FAM107B: variants seen among roughly 807,000 people sequenced by gnomAD.
The protein encoded by FAM107B is protein FAM107B.
In FAM107B, 21 loss-of-function variants were observed where a neutral mutation model predicts 31.5. The ratio of observed to expected loss-of-function variants is 0.67; its 90% CI spans 0.47 to 0.96. FAM107B has a LOEUF of 0.96. Ranked by LOEUF, FAM107B falls within the 40% of genes least tolerant of loss-of-function variation. FAM107B has a pLI of 0.00. For missense variants in FAM107B, 452 were observed against 377.1 expected (o/e 1.20, Z -1.64); for synonymous variants, 157 against 141.5 (o/e 1.11, Z -0.78).
At chr10:14,718,574 C>A (rs1855836582) in intron 1 of FAM107B, among the ~76,000 whole-genome samples, 1 of 151,414 alleles carries the variant, frequency 6.6e-6, no homozygotes, top group Non-Finnish European at 1.5e-5. Flanking sequence ...GAATTTGAAT[C>A]TCTGACCTCA....
intron 3 of FAM107B, among the ~76,000 whole-genome samples, chr10:14,524,407 A>G (rs1234158080): frequency 3.3e-5 from 5 of 152,030 alleles, no homozygotes; most frequent in African/African-American, 1.2e-4. Flanking sequence ...CAATTTCCCA[A>G]TTTTCATTAG....
intron 2 of FAM107B, among the ~76,000 whole-genome samples, chr10:14,564,338 C>A (rs576895589): frequency 6.6e-6 from 1 of 151,828 alleles, no homozygotes; most frequent in Non-Finnish European, 1.5e-5. Flanking sequence ...CTTCCTCTTC[C>A]GGCCACATTT....
chr10:14,612,695 A>G (rs1852754447), intron 2 of FAM107B: 4 of 152,264 alleles, frequency 2.6e-5, no homozygotes, highest in African/African-American at 7.2e-5. Context: ...AAGATATGAT[A>G]GAACTGTCCT....
intron 2 of FAM107B, among the ~76,000 whole-genome samples, chr10:14,552,422 C>T (rs534823389): frequency 1.5e-4 from 23 of 151,876 alleles, no homozygotes; most frequent in African/African-American, 3.4e-4. Context: ...GGCTTTCAAA[C>T]GCACTTTATC....
At chr10:14,584,355 C>T (rs752089369) in intron 2 of FAM107B, among the ~76,000 whole-genome samples, 10 of 152,180 alleles carry the variant, frequency 6.6e-5, no homozygotes, top group Non-Finnish European at 1.2e-4. Flanking sequence ...AGGGGAAAAC[C>T]CCAAGGTGGA....
chr10:14,745,896 G>T (rs533202966), intron 1 of FAM107B, among the ~76,000 whole-genome samples: 1 of 152,132 alleles, frequency 6.6e-6, no homozygotes. Context: ...ATTGACAGTG[G>T]GGTGTTAAAG....
intron 1 of FAM107B, among the ~76,000 whole-genome samples, chr10:14,671,885 CAA>C (rs1277490948): frequency 8.0e-4 from 31 of 38,756 alleles, no homozygotes; most frequent in Middle Eastern, 0.032. Flanking sequence ...AAAAAAAAAA[CAA>C]AAAAACAAAA....
chr10:14,627,849 GA>G (rs1279164923), intron 2 of FAM107B, among the ~76,000 whole-genome samples: 1 of 152,080 alleles, frequency 6.6e-6, no homozygotes, highest in East Asian at 1.9e-4. Flanking sequence ...GTGGCACAAA[GA>G]GGGAGATCAG....
intron 1 of FAM107B, among the ~76,000 whole-genome samples, chr10:14,711,586 T>A (rs978962337): frequency 6.6e-6 from 1 of 152,218 alleles, no homozygotes; most frequent in Admixed American, 6.5e-5. Context: ...AGTCCTATGA[T>A]GTTCACGTAA....
intron 1 of FAM107B, among the ~76,000 whole-genome samples, chr10:14,676,369 A>G (rs375408151): frequency 3.9e-5 from 6 of 152,328 alleles, no homozygotes; most frequent in Non-Finnish European, 7.3e-5. Flanking sequence ...TATATAAGCC[A>G]TCGGTAGCCC....
chr10:14,540,724 C>T (rs1308229778), intron 2 of FAM107B, among the ~76,000 whole-genome samples: 1 of 152,196 alleles, frequency 6.6e-6, no homozygotes, highest in Non-Finnish European at 1.5e-5. Context: ...GGAGATAGTT[C>T]CTGACTTCCC....
Position 14,521,956 on chromosome 10 carries a change from T to G in FAM107B, c.717A>C (p.Gln239His). The G allele has an allele frequency of 1.9e-6, 3 of 1,614,216 alleles. No homozygotes were observed. Among genetic ancestry groups the G allele is most frequent in the Non-Finnish European group, 2.5e-6 (3 of 1,180,034 alleles). ...CTTCTTCTTCCTTCTGCTTTATTAC[T>G]TGGTCTCGTTTTCTTTTTTCCATCA... Reference protein sequence around the residue: ...QKVMEKRKRDQVIKQKEEEAQ... With the variant: ...QKVMEKRKRDHVIKQKEEEAQ... Residue 239 changes from glutamine to histidine, a missense_variant, in exon 4 of 5, where the codon CAA becomes CAC. Coordinates refer to ENST00000181796, the MANE Select transcript of FAM107B (RefSeq NM_031453.4).
chr10:14,602,324 C>T (rs1289831548), intron 2 of FAM107B: 1 of 152,202 alleles, frequency 6.6e-6, no homozygotes, highest in Non-Finnish European at 1.5e-5. Flanking sequence ...ATTGCATCAT[C>T]CTAATGATCA....
intron 2 of FAM107B, among the ~76,000 whole-genome samples, chr10:14,604,647 CG>C (rs1433266934): frequency 6.6e-6 from 1 of 151,974 alleles, no homozygotes; most frequent in African/African-American, 2.4e-5. Flanking sequence ...GCGGCGGCCC[CG>C]GATGACCGGG....
chr10:14,664,657 A>G (rs1339309309), intron 2 of FAM107B, among the ~76,000 whole-genome samples: 3 of 152,184 alleles, frequency 2.0e-5, no homozygotes, highest in African/African-American at 7.2e-5. Flanking sequence ...AGTGCCCTCT[A>G]TGATGTTCAC....
At position 14,560,567 on chromosome 10, in the gene FAM107B, A is replaced by G. The variant is rs77934488; in HGVS notation, c.470-30052T>C. 3.8e-3 allele frequency among the ~76,000 whole-genome samples: 572 copies of G among 152,306 alleles called. 5 individuals are homozygous for G. The highest frequency in any genetic ancestry group is 6.8e-3 in the Middle Eastern group (2 of 294). On this transcript the variant is annotated intron_variant, in intron 2 of 4. Transcript: ENST00000181796. ...AGGTAAGCTTGGGAAATAGGGCTGA[A>G]GACGTGGACTGAGCAGTCGATGGAA...
chr10:14,646,894 C>T (rs140611195), intron 2 of FAM107B, among the ~76,000 whole-genome samples: 3,102 of 145,352 alleles, frequency 0.021, 109 homozygotes, highest in African/African-American at 0.074. Context: ...CCTGGATTCA[C>T]GCCATTCTCC....
chr10:14,738,267 C>T (rs1235430285), intron 1 of FAM107B, among the ~76,000 whole-genome samples: 1 of 152,166 alleles, frequency 6.6e-6, no homozygotes, highest in Non-Finnish European at 1.5e-5. Flanking sequence ...TAAGATGAAG[C>T]TCTCAGAATA....
chr10:14,765,740 A>G (rs1833148077), intron 1 of FAM107B, among the ~76,000 whole-genome samples: 1 of 152,244 alleles, frequency 6.6e-6, no homozygotes, highest in South Asian at 2.1e-4. Context: ...TATGTTTAAC[A>G]GAGACCTTCA....
Sources: gnomAD v4.1 joint callset for allele counts (sites outside exome capture counted in the v4.1 genomes callset) on GRCh38, gnomAD v4.1.1 for gene constraint, MANE v1.5 for transcripts, NCBI Gene and HGNC (gene_info 2026-07-23, HGNC 2026-07-21) for gene names.